The following COL5A2 variants were observed in gnomAD, a reference collection of about 807,000 sequenced individuals.
COL5A2 encodes the protein collagen type V alpha 2 chain.
Under a neutral mutation model 208.2 loss-of-function variants are expected in COL5A2, and 23 were observed. That is an observed-to-expected ratio of 0.11 (90% CI 0.08 to 0.16). The LOEUF is 0.16. Among genes scored for constraint, COL5A2 ranks in the 10% least tolerant of loss-of-function variants. The pLI is 1.00. For missense variants in COL5A2, 1,590 were observed against 1,956.4 expected, an observed-to-expected ratio of 0.81 and a Z score of 3.53; for synonymous variants, 625 against 628.5, an observed-to-expected ratio of 0.99 and a Z score of 0.08.
chr2:189,064,318 G>A (rs1031797632), intron 25 of COL5A2, among the ~76,000 whole-genome samples: 1 of 152,004 alleles, frequency 6.6e-6, no homozygotes, highest in African/African-American at 2.4e-5. Flanking sequence ...CATGCCAAGT[G>A]ATAAAGCTAT....
intron 1 of COL5A2, among the ~76,000 whole-genome samples, chr2:189,222,245 T>A (rs1011196046): frequency 6.6e-6 from 1 of 152,152 alleles, no homozygotes; most frequent in African/African-American, 2.4e-5. Flanking sequence ...CTGAGATGAC[T>A]GATAAAAGTG....
chr2:189,296,014 T>A, the COL5A2 span, among the ~76,000 whole-genome samples: 3 of 152,286 alleles, frequency 2.0e-5, no homozygotes, highest in East Asian at 5.8e-4. Context: ...CTGAAGTTTT[T>A]TAATCAAACT....
chr2:189,250,514 A>G, the COL5A2 span, among the ~76,000 whole-genome samples: 14,081 of 152,200 alleles, frequency 0.093, 1,482 homozygotes, highest in African/African-American at 0.25. Context: ...TCTTCAATAG[A>G]GTGGCTAACA....
intron 1 of COL5A2, among the ~76,000 whole-genome samples, chr2:189,122,033 C>A (rs181366469): frequency 5.5e-4 from 83 of 152,176 alleles, no homozygotes; most frequent in South Asian, 2.9e-3. Flanking sequence ...TGACTATATA[C>A]CATGGAAGAA....
intron 14 of COL5A2, 147 bp downstream of exon 14, chr2:189,079,831 A>T: frequency 1.4e-6 from 1 of 737,738 alleles, no homozygotes; most frequent in Non-Finnish European, 2.4e-6. Context: ...ATTGCCACTC[A>T]TCTTTGAAAA....
chr2:189,132,658 C>T (rs921402795), intron 1 of COL5A2, among the ~76,000 whole-genome samples: 3 of 152,118 alleles, frequency 2.0e-5, no homozygotes, highest in South Asian at 2.1e-4. Context: ...CAGTAGCTTA[C>T]GCCTGTAATC....
chr2:189,323,002 C>CA, the COL5A2 span, among the ~76,000 whole-genome samples: 113 of 38,030 alleles, frequency 3.0e-3, no homozygotes, highest in Non-Finnish European at 9.7e-3. Context: ...CCCTGGGATG[C>CA]AAGCTGGTTC....
intron 9 of COL5A2, 37 bp downstream of exon 9, chr2:189,086,689 T>C: frequency 6.6e-7 from 1 of 1,515,438 alleles, no homozygotes; most frequent in Non-Finnish European, 9.0e-7. Flanking sequence ...TGTGTATGTT[T>C]TTCTTACAGC....
the COL5A2 span, among the ~76,000 whole-genome samples, chr2:189,233,799 A>G: frequency 1.2e-4 from 18 of 151,656 alleles, 1 homozygote; most frequent in East Asian, 1.9e-4. Context: ...CAACCAATAC[A>G]GTGTGCTGTG....
intron 38 of COL5A2, 46 bp from the exon 39 acceptor site, chr2:189,053,064 A>G (rs766068376): frequency 2.8e-6 from 4 of 1,428,046 alleles, no homozygotes; most frequent in Non-Finnish European, 3.9e-6. Context: ...AGACTTATAG[A>G]CAAATTACTT....
At position 189,146,931 on chromosome 2, in the gene COL5A2, T is replaced by A. The variant is rs1688050847; in HGVS notation, c.97+32577A>T. On this transcript the variant is annotated intron_variant, in intron 1 of 53. Transcript: ENST00000374866. ...AACTGGAAATTAGACCAGAAAAAGA[T>A]TTGTGAAACTATCTTTGTGAAACTA... Among the ~76,000 whole-genome samples the A allele has an allele frequency of 2.0e-5, 3 of 152,226 alleles. No homozygotes were observed. The South Asian group carries it at 6.2e-4, about 32-fold the overall frequency.
Position 189,062,883 on chromosome 2 carries a change from A to G in COL5A2, c.1959T>C (p.Ser653=), listed in dbSNP as rs763248419. ...APGKDGEVGP[S]GPVGPPGLAG... ...CACATACCGGCGGGCCCACAGGACC[A>G]GAAGGACCAACTTCACCATCTTTTC... Residue 653 remains serine, a synonymous_variant, in exon 29 of 54, where the codon TCT becomes TCC. Transcript: ENST00000374866. 1.2e-6 allele frequency: 2 copies of G among 1,614,156 alleles called. No individual in the cohort carries two copies. The highest frequency in any genetic ancestry group is 1.7e-6 in the Non-Finnish European group (2 of 1,180,038).
At chr2:189,205,629 C>T (rs1689132694) in intron 1 of COL5A2, among the ~76,000 whole-genome samples, 1 of 152,016 alleles carries the variant, frequency 6.6e-6, no homozygotes, top group African/African-American at 2.4e-5. Flanking sequence ...GCAATGTTCC[C>T]TAAATGGTGA....
chr2:189,230,998 A>T, the COL5A2 span, among the ~76,000 whole-genome samples: 10 of 151,984 alleles, frequency 6.6e-5, no homozygotes, highest in Non-Finnish European at 1.5e-4. Context: ...TCAGCCACTT[A>T]AAAAAGAAAA....
chr2:189,344,542 C>G, the COL5A2 span, among the ~76,000 whole-genome samples: 1 of 152,278 alleles, frequency 6.6e-6, no homozygotes, highest in Non-Finnish European at 1.5e-5. Flanking sequence ...CACCAAAGCA[C>G]AATCCACCTG....
chr2:189,056,664 A>G (rs372963249), intron 35 of COL5A2: 14 of 419,804 alleles, frequency 3.3e-5, no homozygotes, highest in East Asian at 1.5e-4. Flanking sequence ...CTAGATTAGC[A>G]TTTTAACAGA....
Position 189,051,460 on chromosome 2 carries a change from G to A in COL5A2, c.2791C>T (p.Pro931Ser), listed in dbSNP as rs1182035468. 5 of 1,609,222 alleles carry A rather than the reference G, an allele frequency of 3.1e-6. No homozygotes were observed. The highest frequency in any genetic ancestry group is 2.2e-5 in the East Asian group (1 of 44,768). Residue 931 changes from proline (P) to serine (S), a missense_variant, in exon 42 of 54, where the codon CCC (proline) becomes TCC (serine). Pro to Ser is a moderately conservative substitution (Grantham distance 74, BLOSUM62 -1). Transcript: ENST00000374866. ...GPAGAPGPAG[P>S]LGEPGKEGPP... ...CCCTCCTTCCCGGGTTCCCCTAGGG[G>A]TCCCGCAGGTCCTGGAGCTCCCTAG...
At chr2:189,257,662 T>C in the COL5A2 span, among the ~76,000 whole-genome samples, 22 of 152,228 alleles carry the variant, frequency 1.4e-4, no homozygotes, top group East Asian at 1.7e-3. Context: ...ATCTTGGAAA[T>C]AGAAAGAAAA....
Position 189,048,273 on chromosome 2 carries a change from T to C in COL5A2, c.3148-11A>G. 1 of 1,613,538 alleles carries C rather than the reference T, an allele frequency of 6.2e-7. No individual in the cohort carries two copies. The highest frequency in any genetic ancestry group is 8.5e-7 in the Non-Finnish European group (1 of 1,179,558). ...ATTGCCAGCTGGACCCTATAAAGAA[T>C]AATGGTTTGAAAAACTACTTAACTG... is the stretch of plus-strand genomic sequence containing the variant. On this transcript the variant is annotated splice_polypyrimidine_tract_variant and intron_variant, in intron 44 of 53. Coordinates refer to ENST00000374866, the MANE Select transcript of COL5A2 (RefSeq NM_000393.5).
Sources: gnomAD v4.1 joint callset for allele counts (sites outside exome capture counted in the v4.1 genomes callset) on GRCh38, gnomAD v4.1.1 for gene constraint, MANE v1.5 for transcripts, NCBI Gene and HGNC (gene_info 2026-07-23, HGNC 2026-07-21) for gene names.